Variants in DISP3 observed in about 807,000 individuals in gnomAD.
DISP3 encodes dispatched RND transporter family member 3.
DISP3 carries 101 observed loss-of-function variants against 135.3 expected under a neutral mutation model. The observed-to-expected ratio is 0.75, with a 90% CI of 0.64 to 0.88. DISP3 has a LOEUF of 0.88. Among genes scored for constraint, DISP3 ranks in the 40% least tolerant of loss-of-function variants. The probability of loss-of-function intolerance (pLI) is 0.00; values close to 1 mark genes in which losing one functional copy is unlikely to be tolerated. For synonymous variants in DISP3, 856 were observed against 817.0 expected (o/e 1.05, Z -0.81); for missense variants, 1,713 against 1,878.6 (o/e 0.91, Z 1.63).
In DISP3 at chr1:11,536,011, C is replaced by T. The variant is rs1468905610; in HGVS notation, c.3817-313C>T. ...GGCTTGGTGAGGACATGTTCACATA[C>T]TCAGTGCCAAAACCGGCTCTGGGCC... On this transcript the variant is annotated intron_variant, in intron 20 of 20. Coordinates refer to ENST00000294484, the MANE Select transcript of DISP3 (RefSeq NM_020780.2). The surrounding 1 kb of genome is among the most constrained non-coding windows in gnomAD (Gnocchi z 4.3). 6.6e-6 allele frequency among the ~76,000 whole-genome samples: 1 copy of T among 152,244 alleles called. No individual in the cohort carries two copies. The highest frequency in any genetic ancestry group is 1.5e-5 in the Non-Finnish European group (1 of 68,048).
At chr1:11,518,357 C>T (rs1332252006) in intron 7 of DISP3, among the ~76,000 whole-genome samples, 2 of 152,244 alleles carry the variant, frequency 1.3e-5, no homozygotes, top group Non-Finnish European at 2.9e-5. Flanking sequence ...ATGGACTCCT[C>T]AGCTCTCCCC....
intron 1 of DISP3, among the ~76,000 whole-genome samples, chr1:11,486,794 C>T (rs1641048018): frequency 6.6e-6 from 1 of 152,150 alleles, no homozygotes; most frequent in African/African-American, 2.4e-5. Context: ...CCTCCCCCGT[C>T]AGCCTCCTGA....
At chr1:11,494,480 G>C (rs1179472568) in intron 1 of DISP3, among the ~76,000 whole-genome samples, 2 of 152,200 alleles carry the variant, frequency 1.3e-5, no homozygotes. Flanking sequence ...TCTGATGACT[G>C]GCACATAGCC....
Position 11,536,621 on chromosome 1 carries a change from G to T in DISP3, c.4114G>T (p.Gly1372Cys). The stretch of plus-strand genomic sequence containing the variant: ...GCTGCTGGCAGGGGCCCTGGGGCTG[G>T]GTGCCTGCCTCGTGCTCCTGCAGAG... Reference protein sequence around the residue: ...AVLLAGALGLGACLVLLQSGY... With the variant: ...AVLLAGALGLCACLVLLQSGY... Residue 1372 changes from glycine to cysteine, a missense_variant, in exon 21 of 21, where the codon GGT becomes TGT. Transcript: ENST00000294484. This position sits in a 1 kb window ranked among gnomAD's most constrained non-coding sequence, Gnocchi z 4.3. 16 of 1,608,306 alleles carry T rather than the reference G, an allele frequency of 9.9e-6. No homozygotes were observed. The highest frequency in any genetic ancestry group is 1.4e-5 in the Non-Finnish European group (16 of 1,178,584).
chr1:11,500,977 C>T lies in DISP3; in HGVS notation c.-3-13C>T, dbSNP rs995327357. On this transcript the variant is annotated splice_polypyrimidine_tract_variant and intron_variant, in intron 1 of 20. Coordinates refer to ENST00000294484, the MANE Select transcript of DISP3 (RefSeq NM_020780.2). The stretch of plus-strand genomic sequence containing the variant: ...TGTCTCTCTAGCCTGCTGACCCTCT[C>T]CCTCTCCTGCAGACTATGGACACGG... 6.2e-7 allele frequency: 1 copy of T among 1,613,104 alleles called. No individual in the cohort carries two copies. Among genetic ancestry groups the T allele is most frequent in the Admixed American group, 1.7e-5 (1 of 59,968 alleles).
Position 11,501,703 on chromosome 1 carries a change from G to T in DISP3, c.711G>T (p.Pro237=). The T allele has an allele frequency of 1.2e-6, 2 of 1,600,620 alleles. No individual in the cohort carries two copies. The highest frequency in any genetic ancestry group is 1.7e-6 in the Non-Finnish European group (2 of 1,173,904). Residue 237 remains proline (P), a synonymous_variant, in exon 2 of 21, where the codon CCG becomes CCT. Transcript: ENST00000294484. The surrounding 1 kb of genome is among the most constrained non-coding windows in gnomAD (Gnocchi z 4.9). ...SKNGRYQPSI[P]PHAAVAANQS... The stretch of plus-strand genomic sequence containing the variant: ...ATGGGCGGTACCAGCCCAGCATCCC[G>T]CCCCACGCGGCAGTCGCGGCCAATC...
In DISP3 at chr1:11,529,287, A is replaced by T. The variant is rs1642510199; in HGVS notation, c.2799-269A>T. On this transcript the variant is annotated intron_variant, in intron 13 of 20. Transcript: ENST00000294484. This position sits in a 1 kb window ranked among gnomAD's most constrained non-coding sequence, Gnocchi z 4.7. ...GTCTTCTCCACCCTTCATGACTCCT[A>T]TGGGGAGACTGAGACCCAGAGGGGC... Among the ~76,000 whole-genome samples the T allele has an allele frequency of 6.6e-6, 1 of 152,024 alleles. No individual in the cohort carries two copies. The highest frequency in any genetic ancestry group is 2.1e-4 in the South Asian group (1 of 4,822).
intron 1 of DISP3, among the ~76,000 whole-genome samples, chr1:11,489,890 C>G (rs1308213585): frequency 1.3e-5 from 2 of 152,162 alleles, no homozygotes; most frequent in African/African-American, 4.8e-5. Flanking sequence ...TTGTTAATCA[C>G]GTCTCAGAAT....
At chr1:11,530,473 T>G (rs1279739709) in intron 15 of DISP3, among the ~76,000 whole-genome samples, 1 of 152,092 alleles carries the variant, frequency 6.6e-6, no homozygotes, top group Non-Finnish European at 1.5e-5. Flanking sequence ...TACACGGGAA[T>G]GGCAGCCATG....
rs1025502982 is a variant in DISP3, at chr1:11,529,442, G to A, written c.2799-114G>A. The A allele has an allele frequency of 3.6e-5, 45 of 1,264,520 alleles. No homozygotes were observed. Among genetic ancestry groups the A allele is most frequent in the East Asian group, 1.5e-4 (6 of 41,028 alleles). The allele number at this position is 1,264,520 out of a possible 1,614,324, so 78.3% of individuals were successfully genotyped here. ...AAATCCCCATGCCGGGGCAGAGCCC[G>A]AGTCCAGACCCCATGACACCCCAGC... On this transcript the variant is annotated intron_variant, in intron 13 of 20. Transcript: ENST00000294484. The surrounding 1 kb of genome is among the most constrained non-coding windows in gnomAD (Gnocchi z 4.7).
At chr1:11,506,837 T>A (rs1400863891) in intron 3 of DISP3, among the ~76,000 whole-genome samples, 1 of 152,196 alleles carries the variant, frequency 6.6e-6, no homozygotes, top group African/African-American at 2.4e-5. Context: ...AAGGTGTCAC[T>A]CTCATTAAGG....
Position 11,536,815 on chromosome 1 carries a change from G to A in DISP3, c.*129G>A, listed in dbSNP as rs556385235. On this transcript the variant is annotated 3_prime_UTR_variant, in exon 21 of 21. Transcript: ENST00000294484. The surrounding 1 kb of genome is among the most constrained non-coding windows in gnomAD (Gnocchi z 4.3). ...AGGGCGCCCTGCGGGCCAGCGTGGA[G>A]GCTGACACCCACACAGATGGTGTGG... is the stretch of plus-strand genomic sequence containing the variant. The A allele has an allele frequency of 4.3e-5, 53 of 1,225,736 alleles. No homozygotes were observed. The highest frequency in any genetic ancestry group is 2.8e-4 in the Middle Eastern group (1 of 3,518). The allele number at this position is 1,225,736 out of a possible 1,614,324, so 75.9% of individuals were successfully genotyped here.
At chr1:11,492,069 C>T (rs1225589302) in intron 1 of DISP3, among the ~76,000 whole-genome samples, 1 of 142,134 alleles carries the variant, frequency 7.0e-6, no homozygotes. Flanking sequence ...TTGCAGTGAG[C>T]CGAGATCCCG....
Position 11,522,759 on chromosome 1 carries a change from GGACCC to G in DISP3, c.2363-1182_2363-1178del, listed in dbSNP as rs1156467471. On this transcript the variant is annotated intron_variant, in intron 10 of 20. Coordinates refer to ENST00000294484, the MANE Select transcript of DISP3 (RefSeq NM_020780.2). ...CCAGGGCCCAGCCAGGACCCAGCCAGGACCCAGCCAGGACCCAGCCAGGGCCCAGC... is the reference window on the plus strand; with the variant it reads ...CCAGGGCCCAGCCAGGACCCAGCCAGAGCCAGGACCCAGCCAGGGCCCAGC... Among the ~76,000 whole-genome samples the G allele has an allele frequency of 1.7e-3, 238 of 137,240 alleles. 1 individual carries two copies. The highest frequency in any genetic ancestry group is 4.7e-3 in the Middle Eastern group (1 of 214). The allele number at this position is 137,240 out of a possible 152,430, so 90.0% of individuals were successfully genotyped here. A position where few individuals can be genotyped will look rare whatever the true frequency, so the allele number is the denominator to read the frequency against.
intron 18 of DISP3, 66 bp downstream of exon 18, chr1:11,534,606 G>A (rs933881388): frequency 6.5e-7 from 1 of 1,532,400 alleles, no homozygotes; most frequent in Non-Finnish European, 8.8e-7. Flanking sequence ...GGCCGGGAGG[G>A]CACAGAGCGG....
chr1:11,501,867 G>C lies in DISP3; in HGVS notation c.875G>C (p.Ser292Thr). The change falls in exon 2 of 21, where the codon AGT (serine) becomes ACT (threonine). Residue 292 changes from serine to threonine, a missense_variant. Transcript: ENST00000294484. The surrounding 1 kb of genome is among the most constrained non-coding windows in gnomAD (Gnocchi z 4.9). ...GACGCGGAGCGCAACATTTTCACCA[G>C]TGAGCGCCTGGTCACGATCCATGAG... is the stretch of plus-strand genomic sequence containing the variant. ...RGDAERNIFTSERLVTIHEIE... is the reference protein window; with the variant it reads ...RGDAERNIFTTERLVTIHEIE... The C allele has an allele frequency of 1.2e-6, 2 of 1,613,164 alleles. No homozygotes were observed. Among genetic ancestry groups the C allele is most frequent in the Middle Eastern group, 1.7e-4 (1 of 6,060 alleles).
intron 1 of DISP3, among the ~76,000 whole-genome samples, chr1:11,485,691 A>G (rs2100355291): frequency 6.6e-6 from 1 of 152,334 alleles, no homozygotes; most frequent in African/African-American, 2.4e-5. Context: ...CATGATAATA[A>G]CAGTCAACAT....
Position 11,524,064 on chromosome 1 carries a change from T to TG in DISP3, c.2476+14dup. ...TGAGGCCACCCTGCAGGGTGAGCAC[T>TG]GGGGGTGGAGGGTGGGGAAATCCTC... On this transcript the variant is annotated intron_variant, in intron 11 of 20. Transcript: ENST00000294484. 1 of 1,583,202 alleles carries TG rather than the reference T, an allele frequency of 6.3e-7. No individual in the cohort carries two copies. The highest frequency in any genetic ancestry group is 1.3e-5 in the African/African-American group (1 of 74,248).
rs1454413731 is a variant in DISP3 at position 11,524,026 on chromosome 1, G to C, written c.2447G>C (p.Trp816Ser). The change falls in exon 11 of 21, where the codon TGG becomes TCG. Residue 816 changes from tryptophan to serine, a missense_variant. By Grantham distance (177) the Trp-to-Ser change is radical (BLOSUM62 -3). This residue lies in a region of DISP3 where 1,142 missense variants were observed against 1,384.6 expected (regional missense o/e 0.82). Transcript: ENST00000294484. ...AAGAGGCGAGGCTCAGGGGTCCCCTGGGCTAGCCGGCCTGAGGCCACCCTG... is the reference window on the plus strand; with the variant it reads ...AAGAGGCGAGGCTCAGGGGTCCCCTCGGCTAGCCGGCCTGAGGCCACCCTG... ...EKKRRGSGVP[W>S]ASRPEATLQD... is the part of the protein sequence containing the mutation. The C allele has an allele frequency of 2.5e-6, 4 of 1,613,042 alleles. No homozygotes were observed. Among genetic ancestry groups the C allele is most frequent in the Non-Finnish European group, 2.5e-6 (3 of 1,179,652 alleles).
Sources: gnomAD v4.1 joint callset for allele counts (sites outside exome capture counted in the v4.1 genomes callset) on GRCh38, gnomAD v4.1.1 for gene constraint, gnomAD v4.1.1 regional missense constraint, Gnocchi (gnomAD v3.1) non-coding constraint, MANE v1.5 for transcripts, NCBI Gene and HGNC (gene_info 2026-07-23, HGNC 2026-07-21) for gene names.